Variants in DLGAP2 observed in about 807,000 individuals in gnomAD.
DLGAP2 encodes disks large-associated protein 2.
A neutral mutation model predicts 100.3 loss-of-function variants in DLGAP2; 26 were observed. The observed-to-expected ratio is 0.26, with a 90% CI of 0.19 to 0.36. DLGAP2 has a LOEUF of 0.36. Among genes scored for constraint, DLGAP2 ranks in the 10% least tolerant of loss-of-function variants. DLGAP2 has a pLI of 1.00. For missense variants in DLGAP2, 1,858 were observed against 1,453.2 expected, an observed-to-expected ratio of 1.28 and a Z score of -4.53; for synonymous variants, 886 against 630.1, an observed-to-expected ratio of 1.41 and a Z score of -6.08.
intron 3 of DLGAP2, among the ~76,000 whole-genome samples, chr8:1,469,114 C>T (rs1798710346): frequency 6.6e-6 from 1 of 152,176 alleles, no homozygotes; most frequent in African/African-American, 2.4e-5. Context: ...GAAATCCATG[C>T]TGGGCGCCCC....
At chr8:1,378,677 A>G (rs1332050903) in intron 3 of DLGAP2, among the ~76,000 whole-genome samples, 1 of 152,250 alleles carries the variant, frequency 6.6e-6, no homozygotes, top group Non-Finnish European at 1.5e-5. Flanking sequence ...GGGCGGGGAC[A>G]GGCTCCATCT....
chr8:1,394,270 T>A (rs1261123809), intron 3 of DLGAP2, among the ~76,000 whole-genome samples: 3 of 384 alleles, frequency 7.8e-3, no homozygotes, highest in Admixed American at 0.014. Context: ...CTCGTCCTCC[T>A]GAGTCGTGTA....
chr8:1,063,813 C>A (rs1221723937), intron 2 of DLGAP2, among the ~76,000 whole-genome samples: 2 of 152,118 alleles, frequency 1.3e-5, no homozygotes, highest in Admixed American at 6.5e-5. Flanking sequence ...TCCCAGAGCT[C>A]GGTGCCTCTC....
intron 6 of DLGAP2, among the ~76,000 whole-genome samples, chr8:1,605,485 A>C (rs1186496690): frequency 6.6e-6 from 1 of 152,196 alleles, no homozygotes; most frequent in East Asian, 1.9e-4. Context: ...GCGTGAATCC[A>C]GGGCTCTAGT....
chr8:881,080 A>T (rs1797781497), intron 1 of DLGAP2, among the ~76,000 whole-genome samples: 1 of 152,250 alleles, frequency 6.6e-6, no homozygotes, highest in Non-Finnish European at 1.5e-5. Context: ...TATTCACAAG[A>T]ATTTGCGAAG....
chr8:772,646 T>G (rs1821396470), intron 1 of DLGAP2, among the ~76,000 whole-genome samples: 2 of 152,172 alleles, frequency 1.3e-5, no homozygotes, highest in Non-Finnish European at 2.9e-5. Flanking sequence ...TTACTGTCTT[T>G]TCTTTGGTAC....
intron 4 of DLGAP2, among the ~76,000 whole-genome samples, chr8:1,510,403 A>G (rs909040614): frequency 6.6e-6 from 1 of 152,196 alleles, no homozygotes; most frequent in Non-Finnish European, 1.5e-5. Flanking sequence ...GTATTGTTGC[A>G]TCCTCTGAAG....
chr8:787,529 C>G (rs1223160331), intron 1 of DLGAP2, among the ~76,000 whole-genome samples: 1 of 152,242 alleles, frequency 6.6e-6, no homozygotes, highest in Admixed American at 6.5e-5. Context: ...TCAGGATGTG[C>G]AGGGGGCACT....
At chr8:746,590 G>A (rs1200807107) in intron 1 of DLGAP2, among the ~76,000 whole-genome samples, 2 of 152,266 alleles carry the variant, frequency 1.3e-5, no homozygotes, top group African/African-American at 2.4e-5. Flanking sequence ...TGCTGGGCAT[G>A]AGCCCCTCAT....
chr8:996,078 C>T (rs548390550), intron 2 of DLGAP2, among the ~76,000 whole-genome samples: 8 of 152,274 alleles, frequency 5.3e-5, no homozygotes, highest in African/African-American at 1.7e-4. Context: ...ACCACAACAC[C>T]GTTTAAAGTA....
intron 2 of DLGAP2, among the ~76,000 whole-genome samples, chr8:1,178,118 C>T (rs188991848): frequency 3.3e-5 from 5 of 152,280 alleles, no homozygotes; most frequent in African/African-American, 1.2e-4. Context: ...ACCCCAGAAT[C>T]CAAGGCCTTG....
chr8:1,623,149 A>T (rs1223768484), intron 6 of DLGAP2, among the ~76,000 whole-genome samples: 5 of 152,256 alleles, frequency 3.3e-5, no homozygotes, highest in Non-Finnish European at 7.3e-5. Context: ...AGTCTGTGGT[A>T]TCAGAGGATG....
chr8:947,965 C>T (rs1212350020), intron 2 of DLGAP2, among the ~76,000 whole-genome samples: 3 of 144,380 alleles, frequency 2.1e-5, no homozygotes, highest in Non-Finnish European at 4.5e-5. Context: ...AGCCCGCGTG[C>T]GCCATGGCTT....
At chr8:746,839 G>C (rs988388751) in intron 1 of DLGAP2, among the ~76,000 whole-genome samples, 1 of 152,208 alleles carries the variant, frequency 6.6e-6, no homozygotes, top group Non-Finnish European at 1.5e-5. Context: ...TCACCATCCC[G>C]GTGTAGCCCC....
At chr8:960,237 C>CTTTTTTTTTTTTTTTTTTTTTTTT (rs71528625) in intron 2 of DLGAP2, among the ~76,000 whole-genome samples, 731 of 44,612 alleles carry the variant, frequency 0.016, 309 homozygotes, top group Middle Eastern at 0.13. Context: ...TGAAGTATAT[C>CTTTTTTTTTTTTTTTTTTTTTTTT]TTTTTTTTTT....
chr8:972,892 C>T (rs1800051679), intron 2 of DLGAP2, among the ~76,000 whole-genome samples: 1 of 152,138 alleles, frequency 6.6e-6, no homozygotes, highest in African/African-American at 2.4e-5. Flanking sequence ...TCCATTTAAC[C>T]CTGAGTGGAC....
At chr8:1,598,815 G>T (rs902259727) in intron 6 of DLGAP2, among the ~76,000 whole-genome samples, 4 of 152,080 alleles carry the variant, frequency 2.6e-5, no homozygotes, top group Non-Finnish European at 4.4e-5. Flanking sequence ...CAAAAAACCA[G>T]CTTCTAGATT....
chr8:1,411,556 AGATTAAAC>A (rs1796731680), intron 3 of DLGAP2, among the ~76,000 whole-genome samples: 1 of 152,198 alleles, frequency 6.6e-6, no homozygotes. Context: ...AGCCTTGGGC[AGATTAAAC>A]GAGGTAACCG....
chr8:864,003 A>G (rs150979317), intron 1 of DLGAP2, among the ~76,000 whole-genome samples: 102 of 152,312 alleles, frequency 6.7e-4, no homozygotes, highest in African/African-American at 2.4e-3. Context: ...TACACAGTGG[A>G]TATGACTCAG....
Sources: gnomAD v4.1 joint callset for allele counts (sites outside exome capture counted in the v4.1 genomes callset) on GRCh38, gnomAD v4.1.1 for gene constraint, MANE v1.5 for transcripts, NCBI Gene and HGNC (gene_info 2026-07-23, HGNC 2026-07-21) for gene names.